Variants in L3MBTL4 observed in about 807,000 individuals in gnomAD.
L3MBTL4 encodes L3MBTL histone methyl-lysine binding protein 4.
A neutral mutation model predicts 84.5 loss-of-function variants in L3MBTL4; 70 were observed. That is an observed-to-expected ratio of 0.83 (90% CI 0.68 to 1.01). The LOEUF (loss-of-function observed/expected upper bound fraction) is 1.01. Ranked by LOEUF, L3MBTL4 falls within the 50% of genes least tolerant of loss-of-function variation. The pLI is 0.00. For synonymous variants in L3MBTL4, 274 were observed against 259.8 expected (o/e 1.05, Z -0.52); for missense variants, 715 against 754.8 (o/e 0.95, Z 0.62).
intron 12 of L3MBTL4, among the ~76,000 whole-genome samples, chr18:6,203,769 G>T (rs1204693171): frequency 2.0e-5 from 3 of 152,138 alleles, no homozygotes; most frequent in African/African-American, 7.2e-5. Flanking sequence ...CTGGGAATCT[G>T]GGGTGCTGAC....
At chr18:6,382,370 C>G (rs898869550) in intron 1 of L3MBTL4, among the ~76,000 whole-genome samples, 2 of 152,114 alleles carry the variant, frequency 1.3e-5, no homozygotes, top group African/African-American at 4.8e-5. Flanking sequence ...AGTGTTGTCC[C>G]CTTGCTGGCG....
At chr18:6,363,118 T>A (rs1229374765) in intron 1 of L3MBTL4, among the ~76,000 whole-genome samples, 1 of 152,212 alleles carries the variant, frequency 6.6e-6, no homozygotes, top group African/African-American at 2.4e-5. Context: ...GACATTCTTC[T>A]ATTCCTAGTG....
intron 10 of L3MBTL4, among the ~76,000 whole-genome samples, chr18:6,219,124 A>G (rs1050165861): frequency 6.6e-6 from 1 of 152,068 alleles, no homozygotes; most frequent in Non-Finnish European, 1.5e-5. Context: ...TTTAGGTGAG[A>G]ACTTGAGCCT....
intron 8 of L3MBTL4, 59 bp downstream of exon 8, chr18:6,241,299 A>C: frequency 1.0e-6 from 1 of 983,848 alleles, no homozygotes; most frequent in Non-Finnish European, 1.6e-6. Flanking sequence ...TATATAGTGA[A>C]TTTTAAGAAA....
At chr18:6,188,309 A>G (rs1184497668) in intron 12 of L3MBTL4, among the ~76,000 whole-genome samples, 3 of 149,918 alleles carry the variant, frequency 2.0e-5, no homozygotes, top group Admixed American at 6.7e-5. Flanking sequence ...ATTTATATAT[A>G]CTCTATAATA....
At chr18:6,019,802 C>T (rs147363522) in intron 16 of L3MBTL4, among the ~76,000 whole-genome samples, 3 of 152,326 alleles carry the variant, frequency 2.0e-5, no homozygotes, top group African/African-American at 7.2e-5. Flanking sequence ...TCATGTCTTC[C>T]AGACAAAGTT....
intron 12 of L3MBTL4, among the ~76,000 whole-genome samples, chr18:6,210,518 A>C (rs1233831108): frequency 1.3e-5 from 2 of 152,214 alleles, no homozygotes; most frequent in Admixed American, 6.5e-5. Context: ...ACCTTGGACC[A>C]ATTACTTAAT....
intron 1 of L3MBTL4, among the ~76,000 whole-genome samples, chr18:6,324,672 C>T (rs141450838): frequency 1.1e-3 from 172 of 152,262 alleles, no homozygotes; most frequent in African/African-American, 3.8e-3. Flanking sequence ...AGTGGGCCCC[C>T]AGAGCAAACA....
chr18:6,285,672 G>A (rs2049540922), intron 4 of L3MBTL4, among the ~76,000 whole-genome samples: 2 of 151,986 alleles, frequency 1.3e-5, no homozygotes, highest in South Asian at 4.2e-4. Context: ...GCTGCAACCT[G>A]AGGCCAGTTT....
intron 1 of L3MBTL4, among the ~76,000 whole-genome samples, chr18:6,372,643 T>C (rs751193909): frequency 1.3e-5 from 2 of 152,228 alleles, no homozygotes; most frequent in African/African-American, 4.8e-5. Context: ...GCTGACCTAC[T>C]GTTTCCAATC....
chr18:6,059,128 G>A (rs996303506), intron 16 of L3MBTL4, among the ~76,000 whole-genome samples: 3 of 152,180 alleles, frequency 2.0e-5, no homozygotes, highest in Admixed American at 6.5e-5. Context: ...ATGTGGAAAG[G>A]TGAAGCTGCA....
intron 16 of L3MBTL4, among the ~76,000 whole-genome samples, chr18:5,999,165 G>A (rs930756225): frequency 2.0e-5 from 3 of 152,176 alleles, no homozygotes; most frequent in African/African-American, 7.2e-5. Context: ...AGAGCCTTGA[G>A]GATGCTGTCC....
At chr18:6,047,697 A>G (rs191637363) in intron 16 of L3MBTL4, among the ~76,000 whole-genome samples, 2 of 152,364 alleles carry the variant, frequency 1.3e-5, no homozygotes, top group African/African-American at 4.8e-5. Context: ...GATAAAATCC[A>G]ACATCCTTTC....
intron 1 of L3MBTL4, among the ~76,000 whole-genome samples, chr18:6,345,591 T>C (rs2052859078): frequency 6.6e-6 from 1 of 152,016 alleles, no homozygotes; most frequent in Non-Finnish European, 1.5e-5. Flanking sequence ...TCAAAAAGAA[T>C]AAAATTATGA....
Position 6,371,125 on chromosome 18 carries a change from C to T in L3MBTL4, c.-91+43676G>A, listed in dbSNP as rs932084881. 4.6e-5 allele frequency among the ~76,000 whole-genome samples: 7 copies of T among 152,240 alleles called. No individual in the cohort carries two copies. In the South Asian group the frequency reaches 1.5e-3, roughly 32 times the overall value. Reference sequence around the variant, plus strand: ...ATAGTCCCTGCGGTAATTACTTAAACTCTGCCATGAGAGCATGAGGGGAGC... The same window carrying T: ...ATAGTCCCTGCGGTAATTACTTAAATTCTGCCATGAGAGCATGAGGGGAGC... On this transcript the variant is annotated intron_variant, in intron 1 of 18. Transcript: ENST00000317931.
intron 3 of L3MBTL4, among the ~76,000 whole-genome samples, chr18:6,302,481 G>A (rs2050385124): frequency 2.0e-5 from 3 of 152,156 alleles, no homozygotes; most frequent in Admixed American, 6.5e-5. Context: ...ACAAGCACAC[G>A]CAGCAAGCAA....
At chr18:6,205,600 TA>T (rs1599142741) in intron 12 of L3MBTL4, among the ~76,000 whole-genome samples, 2 of 152,258 alleles carry the variant, frequency 1.3e-5, no homozygotes, top group East Asian at 3.9e-4. Context: ...TAATCTTGTA[TA>T]AAAATCTACT....
At chr18:6,186,002 A>ATTTTATTTATTTTATTTTATTTTATTT (rs542901226) in intron 12 of L3MBTL4, among the ~76,000 whole-genome samples, 5 of 134,178 alleles carry the variant, frequency 3.7e-5, no homozygotes, top group African/African-American at 1.9e-4. Flanking sequence ...TTATTATTTT[A>ATTTTATTTATTTTATTTTATTTTATTT]TATTTTATTT....
chr18:6,177,295 G>A (rs1046751840), intron 12 of L3MBTL4, among the ~76,000 whole-genome samples: 11 of 152,190 alleles, frequency 7.2e-5, no homozygotes, highest in Admixed American at 6.5e-5. Context: ...GCAATAAAAA[G>A]GGATAAACTG....
Sources: gnomAD v4.1 joint callset for allele counts (sites outside exome capture counted in the v4.1 genomes callset) on GRCh38, gnomAD v4.1.1 for gene constraint, MANE v1.5 for transcripts, NCBI Gene and HGNC (gene_info 2026-07-23, HGNC 2026-07-21) for gene names.